SCMH1: variants seen among roughly 807,000 people sequenced by gnomAD.
The protein encoded by SCMH1 is Scm polycomb group protein homolog 1, also known as polycomb protein SCMH1.
Under a neutral mutation model 70.8 loss-of-function variants are expected in SCMH1, and 37 were observed. The observed-to-expected ratio is 0.52, with a 90% CI of 0.40 to 0.69. SCMH1 has a LOEUF of 0.69. Ranked by LOEUF, SCMH1 falls within the 30% of genes least tolerant of loss-of-function variation. The pLI is 0.00. For synonymous variants in SCMH1, 292 were observed against 307.4 expected (o/e 0.95, Z 0.52); for missense variants, 607 against 827.3 (o/e 0.73, Z 3.27).
intron 6 of SCMH1, 69 bp downstream of exon 6, chr1:41,142,809 T>A (rs986164480): frequency 3.0e-6 from 4 of 1,333,266 alleles, no homozygotes; most frequent in Non-Finnish European, 4.3e-6. Context: ...TTTCCCATAA[T>A]AGGATGTTCA....
chr1:41,095,905 T>TAACTTAAA (rs1398901116), intron 8 of SCMH1, among the ~76,000 whole-genome samples: 1 of 152,158 alleles, frequency 6.6e-6, no homozygotes, highest in African/African-American at 2.4e-5. Flanking sequence ...TCTTACATAA[T>TAACTTAAA]AACTTAAAAT....
At chr1:41,053,579 C>T (rs1390065326) in intron 10 of SCMH1, among the ~76,000 whole-genome samples, 1 of 152,244 alleles carries the variant, frequency 6.6e-6, no homozygotes, top group Non-Finnish European at 1.5e-5. Context: ...CTGCATGCAA[C>T]AGAGACAAGC....
intron 6 of SCMH1, among the ~76,000 whole-genome samples, chr1:41,117,267 CT>C (rs1438376441): frequency 1.3e-5 from 2 of 151,934 alleles, no homozygotes; most frequent in Non-Finnish European, 2.9e-5. Context: ...CAATCATAAC[CT>C]AGGAAAAACC....
chr1:41,068,003 A>T (rs1326057652), intron 10 of SCMH1, among the ~76,000 whole-genome samples: 1 of 152,224 alleles, frequency 6.6e-6, no homozygotes, highest in African/African-American at 2.4e-5. Context: ...AAAGAACAAC[A>T]AAAAGAGCTC....
chr1:41,120,209 T>C (rs1671582785), intron 6 of SCMH1, among the ~76,000 whole-genome samples: 1 of 152,210 alleles, frequency 6.6e-6, no homozygotes, highest in South Asian at 2.1e-4. Flanking sequence ...AGGTAGGGGT[T>C]ACTGGGGGGT....
At chr1:41,208,276 TGGGGTCG>T (rs1201919688) in intron 1 of SCMH1, among the ~76,000 whole-genome samples, 1 of 91,998 alleles carries the variant, frequency 1.1e-5, no homozygotes, top group African/African-American at 4.3e-5. Flanking sequence ...GGGACTGTGG[TGGGGTCG>T]GGGGAGGGGG....
At chr1:41,088,571 G>A (rs936313866) in intron 8 of SCMH1, among the ~76,000 whole-genome samples, 24 of 152,166 alleles carry the variant, frequency 1.6e-4, no homozygotes, top group Admixed American at 7.9e-4. Context: ...AGGCTCAAGC[G>A]ATCCTCCCAG....
intron 8 of SCMH1, among the ~76,000 whole-genome samples, chr1:41,092,932 A>T (rs1572035803): frequency 6.6e-6 from 1 of 152,250 alleles, no homozygotes. Flanking sequence ...GTGGGACTGT[A>T]AACTAGTTCA....
chr1:41,030,207 T>C (rs1475321468), intron 13 of SCMH1, among the ~76,000 whole-genome samples: 2 of 152,070 alleles, frequency 1.3e-5, no homozygotes, highest in African/African-American at 4.8e-5. Context: ...AGCGAGACCC[T>C]GTCTCAAAAA....
intron 4 of SCMH1, among the ~76,000 whole-genome samples, chr1:41,155,984 C>CAAAAAAAAAAAAAAAAAAAAAAAA (rs386366781): frequency 2.7e-5 from 2 of 74,652 alleles, no homozygotes; most frequent in African/African-American, 1.2e-4. Flanking sequence ...GACTCCGTCT[C>CAAAAAAAAAAAAAAAAAAAAAAAA]AAAAAAAAAA....
intron 6 of SCMH1, among the ~76,000 whole-genome samples, chr1:41,126,890 C>A (rs1159342212): frequency 6.6e-6 from 1 of 152,032 alleles, no homozygotes; most frequent in Non-Finnish European, 1.5e-5. Context: ...AGTGGGATCC[C>A]TGGGTCAACT....
At chr1:41,094,473 G>A (rs943156238) in intron 8 of SCMH1, among the ~76,000 whole-genome samples, 1 of 152,128 alleles carries the variant, frequency 6.6e-6, no homozygotes, top group African/African-American at 2.4e-5. Flanking sequence ...GATCCAAGGA[G>A]TACAGTTTGA....
intron 10 of SCMH1, among the ~76,000 whole-genome samples, chr1:41,064,926 C>T (rs1654060395): frequency 6.6e-6 from 1 of 151,936 alleles, no homozygotes; most frequent in African/African-American, 2.4e-5. Flanking sequence ...AAAAATAAAA[C>T]AAACCAAACC....
intron 6 of SCMH1, among the ~76,000 whole-genome samples, chr1:41,120,066 G>A (rs955602493): frequency 6.6e-6 from 1 of 152,174 alleles, no homozygotes; most frequent in African/African-American, 2.4e-5. Flanking sequence ...GTAAAGCAAG[G>A]CACTACTGTT....
At chr1:41,147,096 T>A (rs987351826) in intron 5 of SCMH1, among the ~76,000 whole-genome samples, 4 of 152,212 alleles carry the variant, frequency 2.6e-5, no homozygotes, top group Admixed American at 2.6e-4. Context: ...CAGAGCCATT[T>A]AAATAAATGT....
Position 41,183,629 on chromosome 1 carries a change from T to C in SCMH1, c.13+2492A>G, listed in dbSNP as rs1649405799. On this transcript the variant is annotated intron_variant, in intron 2 of 14. Coordinates refer to ENST00000337495, the Ensembl canonical transcript of SCMH1. The stretch of plus-strand genomic sequence containing the variant: ...TTAAGCCAATCAGTATTCCTAGAGT[T>C]TGGCACACAGCAAGCAGTCAAAAGA... Among the ~76,000 whole-genome samples, 2 of 152,158 alleles carry C rather than the reference T, an allele frequency of 1.3e-5. 1 individual carries two copies. The highest frequency in any genetic ancestry group is 4.1e-4 in the South Asian group (2 of 4,828).
intron 10 of SCMH1, among the ~76,000 whole-genome samples, chr1:41,054,255 A>G (rs1649399423): frequency 6.6e-6 from 1 of 152,146 alleles, no homozygotes; most frequent in Non-Finnish European, 1.5e-5. Context: ...TGTTGCCTAT[A>G]GTAACATGGA....
intron 8 of SCMH1, among the ~76,000 whole-genome samples, chr1:41,079,573 T>C (rs1659378039): frequency 6.6e-6 from 1 of 152,220 alleles, no homozygotes; most frequent in Non-Finnish European, 1.5e-5. Flanking sequence ...AATTTCATCA[T>C]AGATCCATCA....
At chr1:41,234,264 G>GT (rs1240971625) in intron 1 of SCMH1, among the ~76,000 whole-genome samples, 1 of 151,578 alleles carries the variant, frequency 6.6e-6, no homozygotes, top group African/African-American at 2.4e-5. Context: ...CAAGACCCCT[G>GT]TTTTTTTTCT....
Sources: allele counts gnomAD v4.1 joint callset (sites outside exome capture counted in the v4.1 genomes callset), GRCh38; gene constraint gnomAD v4.1.1; transcripts MANE v1.5; gene names NCBI Gene and HGNC (gene_info 2026-07-23, HGNC 2026-07-21).